The following BST1 variants were observed in gnomAD, a reference collection of about 807,000 sequenced individuals.
The protein encoded by BST1 is ADP-ribosyl cyclase/cyclic ADP-ribose hydrolase 2.
In BST1, 49 loss-of-function variants were observed where a neutral mutation model predicts 40.6. The ratio of observed to expected loss-of-function variants is 1.21; its 90% CI spans 0.96 to 1.53. The LOEUF is 1.53. Ranked by LOEUF, BST1 falls within the 40% of genes most tolerant of loss-of-function variation. BST1 has a pLI of 0.00. For missense variants in BST1, 423 were observed against 395.9 expected, an observed-to-expected ratio of 1.07 and a Z score of -0.58; for synonymous variants, 157 against 159.3, an observed-to-expected ratio of 0.99 and a Z score of 0.11.
the BST1 span, among the ~76,000 whole-genome samples, chr4:15,747,249 A>G: frequency 6.6e-6 from 1 of 152,184 alleles, no homozygotes; most frequent in Non-Finnish European, 1.5e-5. Flanking sequence ...TATCAACTGC[A>G]CATCTAAGAG....
downstream of BST1, among the ~76,000 whole-genome samples, chr4:15,736,895 T>G (rs1721589494): frequency 6.6e-6 from 1 of 152,218 alleles, no homozygotes; most frequent in Admixed American, 6.5e-5. Context: ...CATGACCTAG[T>G]CAGCATTTGA....
At chr4:15,756,142 A>C in the BST1 span, among the ~76,000 whole-genome samples, 5,478 of 152,280 alleles carry the variant, frequency 0.036, 336 homozygotes, top group African/African-American at 0.12. Flanking sequence ...AACAACAAAA[A>C]CAACAACAAA....
chr4:15,713,430 C>T (rs991442134), intron 4 of BST1, among the ~76,000 whole-genome samples: 13 of 151,892 alleles, frequency 8.6e-5, no homozygotes, highest in Admixed American at 2.6e-4. Context: ...ATAATCCACC[C>T]GCCTCAGCCT....
intron 2 of BST1, 89 bp downstream of exon 2, chr4:15,705,730 C>A: frequency 6.7e-7 from 1 of 1,487,386 alleles, no homozygotes; most frequent in Non-Finnish European, 9.3e-7. Flanking sequence ...TAGCTGTCCC[C>A]TGCATCCTGC....
chr4:15,749,987 C>T, the BST1 span, among the ~76,000 whole-genome samples: 1 of 151,278 alleles, frequency 6.6e-6, no homozygotes, highest in Non-Finnish European at 1.5e-5. Context: ...CTCTCATCCC[C>T]TCACTACCCT....
chr4:15,738,715 C>T (rs754564364), downstream of BST1, among the ~76,000 whole-genome samples: 4 of 152,200 alleles, frequency 2.6e-5, no homozygotes, highest in Non-Finnish European at 5.9e-5. Flanking sequence ...ATTCATAGTT[C>T]GTTATGGCCA....
chr4:15,747,014 TA>T, the BST1 span, among the ~76,000 whole-genome samples: 1 of 152,014 alleles, frequency 6.6e-6, no homozygotes, highest in South Asian at 2.1e-4. Flanking sequence ...AACAAATGGG[TA>T]TGGGTCCCTT....
intron 7 of BST1, among the ~76,000 whole-genome samples, chr4:15,722,220 T>C (rs1720845782): frequency 6.6e-6 from 1 of 152,244 alleles, no homozygotes; most frequent in Admixed American, 6.5e-5. Context: ...AGAGTCAGCC[T>C]GCATAGTTCA....
intron 8 of BST1, among the ~76,000 whole-genome samples, chr4:15,726,975 A>G (rs1721150709): frequency 6.6e-6 from 1 of 151,528 alleles, no homozygotes; most frequent in East Asian, 1.9e-4. Flanking sequence ...GGTTCAAGCA[A>G]TTCCCCTGCT....
At chr4:15,736,281 A>C (rs1233171351), downstream of BST1, 1 of 411,990 alleles carries the variant, frequency 2.4e-6, no homozygotes, top group Non-Finnish European at 4.1e-6. Flanking sequence ...CAAAATCAGC[A>C]ATGGTTTCCT....
intron 3 of BST1, among the ~76,000 whole-genome samples, chr4:15,711,146 T>C (rs567007442): frequency 6.6e-6 from 1 of 152,330 alleles, no homozygotes; most frequent in Non-Finnish European, 1.5e-5. Context: ...TTGGCTATTA[T>C]GAATAATGCC....
the BST1 span, among the ~76,000 whole-genome samples, chr4:15,745,038 A>G: frequency 3.5e-4 from 53 of 152,342 alleles, no homozygotes; most frequent in Admixed American, 2.0e-4. Context: ...TTCTTCCAAA[A>G]TTTAAAATTA....
chr4:15,760,857 T>G, the BST1 span, among the ~76,000 whole-genome samples: 2 of 151,002 alleles, frequency 1.3e-5, no homozygotes, highest in African/African-American at 2.4e-5. Flanking sequence ...CCTAGCTTTT[T>G]TTTTTTTTTG....
At chr4:15,704,454 A>T (rs1207316070) in intron 1 of BST1, among the ~76,000 whole-genome samples, 1 of 128,770 alleles carries the variant, frequency 7.8e-6, no homozygotes, top group Admixed American at 8.0e-5. Flanking sequence ...TAGAGGTGAG[A>T]TGTGTGTGTG....
chr4:15,739,554 CGTGTGTGTGTGTGTGTGT>C (rs58171340), downstream of BST1, among the ~76,000 whole-genome samples: 4 of 144,054 alleles, frequency 2.8e-5, no homozygotes, highest in South Asian at 4.6e-4. Context: ...GAAGCCAAAC[CGTGTGTGTGTGTGTGTGT>C]GTGTGTGTGT....
At chr4:15,718,011 A>G (rs557884447) in intron 6 of BST1, among the ~76,000 whole-genome samples, 13 of 152,328 alleles carry the variant, frequency 8.5e-5, no homozygotes, top group African/African-American at 3.1e-4. Context: ...GTCCTGGACC[A>G]TGAAGAAGGT....
downstream of BST1, among the ~76,000 whole-genome samples, chr4:15,739,586 TGTGTGTGTATTTCTCCCCTGCACAAAA>T (rs1307120798): frequency 6.7e-6 from 1 of 150,060 alleles, no homozygotes; most frequent in Non-Finnish European, 1.5e-5. Context: ...TGTGTGTGTG[TGTGTGTGTATTTCTCCCCTGCACAAAA>T]GTAGAAGGGT....
chr4:15,762,087 G>A, the BST1 span, among the ~76,000 whole-genome samples: 1 of 150,714 alleles, frequency 6.6e-6, no homozygotes. Context: ...TACTCGGGAG[G>A]CTGAGGCAGA....
downstream of BST1, among the ~76,000 whole-genome samples, chr4:15,734,205 C>T (rs1021443848): frequency 1.3e-5 from 2 of 152,094 alleles, no homozygotes; most frequent in Non-Finnish European, 2.9e-5. Flanking sequence ...TAGAAGGAGG[C>T]GCTGACTGCA....
Sources: allele counts gnomAD v4.1 joint callset (sites outside exome capture counted in the v4.1 genomes callset), GRCh38; gene constraint gnomAD v4.1.1; transcripts MANE v1.5; gene names NCBI Gene and HGNC (gene_info 2026-07-23, HGNC 2026-07-21).